TPP2: variants seen among roughly 807,000 people sequenced by gnomAD.
TPP2 encodes tripeptidyl-peptidase 2.
In TPP2, 34 loss-of-function variants were observed where a neutral mutation model predicts 155.9. The ratio of observed to expected loss-of-function variants is 0.22; its 90% CI spans 0.17 to 0.29. TPP2 has a LOEUF of 0.29. TPP2 is among the 10% of genes least tolerant of loss of function. The probability of loss-of-function intolerance (pLI) is 1.00; values close to 1 mark genes in which losing one functional copy is unlikely to be tolerated. For synonymous variants in TPP2, 510 were observed against 529.4 expected, an observed-to-expected ratio of 0.96 and a Z score of 0.50; for missense variants, 1,028 against 1,522.3, an observed-to-expected ratio of 0.68 and a Z score of 5.40.
At chr13:102,635,773 T>C (rs930371539) in intron 12 of TPP2, 71 bp downstream of exon 12, 2 of 1,172,684 alleles carry the variant, frequency 1.7e-6, no homozygotes, top group African/African-American at 3.1e-5. Flanking sequence ...TATTGGGTAA[T>C]ATTTTGTTTT....
intron 11 of TPP2, among the ~76,000 whole-genome samples, chr13:102,635,100 T>A (rs1388877427): frequency 6.6e-6 from 1 of 152,100 alleles, no homozygotes; most frequent in African/African-American, 2.4e-5. Flanking sequence ...TACCCTAGAA[T>A]CATCTGAGAG....
At position 102,596,996 on chromosome 13, in the gene TPP2, C is replaced by A. The variant is rs749019061; in HGVS notation, c.-43C>A. ...TGTCCTCGCGCTGCTAGTCCGCGCG[C>A]AGCCTGGCAGTTTGCCGCTTCCTCG... On this transcript the variant is annotated 5_prime_UTR_variant, in exon 1 of 30. Coordinates refer to ENST00000376052, the MANE Select transcript of TPP2 (RefSeq NM_001330588.2). The A allele has an allele frequency of 1.3e-6, 2 of 1,598,756 alleles. No homozygotes were observed. Among genetic ancestry groups the A allele is most frequent in the Non-Finnish European group, 1.7e-6 (2 of 1,173,352 alleles).
chr13:102,658,125 T>C (rs1883976732), intron 25 of TPP2, among the ~76,000 whole-genome samples: 1 of 152,228 alleles, frequency 6.6e-6, no homozygotes, highest in Admixed American at 6.5e-5. Context: ...GACTTTGGGC[T>C]TGCTTTTTAC....
chr13:102,618,399 A>G (rs1880908756), intron 4 of TPP2, among the ~76,000 whole-genome samples: 1 of 152,248 alleles, frequency 6.6e-6, no homozygotes, highest in Non-Finnish European at 1.5e-5. Flanking sequence ...TAAGTTAGAT[A>G]ACAAATATGT....
chr13:102,632,546 CATTTTT>C (rs1295177338), intron 10 of TPP2, among the ~76,000 whole-genome samples: 1 of 152,148 alleles, frequency 6.6e-6, no homozygotes, highest in Non-Finnish European at 1.5e-5. Flanking sequence ...AGCTGAGACT[CATTTTT>C]AGAATACTGA....
chr13:102,645,863 G>A (rs770419462), intron 19 of TPP2, among the ~76,000 whole-genome samples: 35 of 152,234 alleles, frequency 2.3e-4, no homozygotes, highest in Non-Finnish European at 4.4e-4. Flanking sequence ...GGAGGGCTGA[G>A]TGTGGCCCCT....
chr13:102,623,790 A>G (rs1048313475), intron 6 of TPP2, among the ~76,000 whole-genome samples: 1 of 152,202 alleles, frequency 6.6e-6, no homozygotes, highest in African/African-American at 2.4e-5. Flanking sequence ...ATCCTTTGGT[A>G]TCTGGGGGGA....
Position 102,616,450 on chromosome 13 carries a change from G to T in TPP2, c.445G>T (p.Ala149Ser). Residue 149 changes from alanine to serine, a missense_variant, in exon 4 of 30, where the codon GCC becomes TCC. Around this residue, in one of 7 missense-constraint regions of TPP2, gnomAD observed 300 missense variants for 398.3 expected, o/e 0.75. Transcript: ENST00000376052. ...DPVHRVALAE[A>S]CRKQEEFDVA... ...TGTTCACAGAGTGGCCCTTGCAGAA[G>T]CCTGTAGAAAACAGGAAGAATTTGA... 6.2e-7 allele frequency: 1 copy of T among 1,612,846 alleles called. No homozygotes were observed.
rs749784450 is a variant in TPP2, at chr13:102,621,651, T to C, written c.621-1226T>C. ...AGAGCCGTTGGAAGACATGGAAGGT[T>C]TTCAGCAGGAGTCAAATGTAGGGGC... On this transcript the variant is annotated intron_variant, in intron 5 of 29. Coordinates refer to ENST00000376052, the MANE Select transcript of TPP2 (RefSeq NM_001330588.2). Among the ~76,000 whole-genome samples the C allele has an allele frequency of 6.2e-4, 95 of 152,034 alleles. 1 individual carries two copies. Among genetic ancestry groups the C allele is most frequent in the Admixed American group, 3.3e-4 (5 of 15,264 alleles).
chr13:102,657,966 G>A (rs1015988213), intron 25 of TPP2, among the ~76,000 whole-genome samples: 2 of 152,090 alleles, frequency 1.3e-5, no homozygotes, highest in African/African-American at 4.8e-5. Context: ...GTTATCATTC[G>A]TTATTAGTAT....
chr13:102,678,085 A>G (rs1420427563), intron 29 of TPP2, 142 bp from the exon 30 acceptor site: 2 of 779,080 alleles, frequency 2.6e-6, no homozygotes, highest in Non-Finnish European at 1.9e-6. Context: ...AGGAGGATCA[A>G]TGGGTGGGTG....
chr13:102,600,104 G>A lies in TPP2; in HGVS notation c.165+2901G>A, dbSNP rs185666448. 1.3e-3 allele frequency among the ~76,000 whole-genome samples: 198 copies of A among 151,288 alleles called. 2 individuals carry two copies. The highest frequency in any genetic ancestry group is 2.0e-3 in the Non-Finnish European group (139 of 67,912). ...TTGAATGGTATATATGAGGCCATTT[G>A]CCATCCAACTCTGGCCTCCTTATGT... On this transcript the variant is annotated intron_variant, in intron 1 of 29. Coordinates refer to ENST00000376052, the MANE Select transcript of TPP2 (RefSeq NM_001330588.2).
chr13:102,640,872 G>A (rs931243864), intron 16 of TPP2, among the ~76,000 whole-genome samples: 4 of 151,872 alleles, frequency 2.6e-5, no homozygotes, highest in Admixed American at 6.6e-5. Context: ...GGATGGTCTC[G>A]ATCTCTTGAC....
At chr13:102,618,022 C>T (rs1360917405) in intron 4 of TPP2, among the ~76,000 whole-genome samples, 1 of 152,172 alleles carries the variant, frequency 6.6e-6, no homozygotes, top group Non-Finnish European at 1.5e-5. Flanking sequence ...CAGCTTATTT[C>T]TGTTTAAACC....
intron 2 of TPP2, chr13:102,608,153 C>CTTAATT (rs1879993774): frequency 1.3e-5 from 2 of 152,104 alleles, no homozygotes; most frequent in African/African-American, 2.4e-5. Context: ...TTTAAAAAGA[C>CTTAATT]AAATATTTTT....
rs545315830 is a variant in TPP2 at position 102,611,808 on chromosome 13, T to C, written c.295-2293T>C. ...GAATTCACCTGGAAGTGATTTTATA[T>C]GCTTAGTTTGAAGAGTTCTGTTTCC... On this transcript the variant is annotated intron_variant, in intron 2 of 29. Coordinates refer to ENST00000376052, the MANE Select transcript of TPP2 (RefSeq NM_001330588.2). 5.3e-5 allele frequency among the ~76,000 whole-genome samples: 8 copies of C among 152,380 alleles called. No homozygotes were observed. In the South Asian group the frequency reaches 1.4e-3, roughly 28 times the overall value.
chr13:102,599,796 A>G (rs1374951226), intron 1 of TPP2, among the ~76,000 whole-genome samples: 1 of 152,196 alleles, frequency 6.6e-6, no homozygotes, highest in African/African-American at 2.4e-5. Flanking sequence ...AGAGATTGAC[A>G]AGGATTATTG....
intron 25 of TPP2, among the ~76,000 whole-genome samples, chr13:102,660,072 G>A (rs1481605116): frequency 6.6e-6 from 1 of 151,852 alleles, no homozygotes; most frequent in Non-Finnish European, 1.5e-5. Flanking sequence ...AAGGAGAGGG[G>A]AATAGAGCTA....
In TPP2 at chr13:102,625,164, C is replaced by CTT. The variant is rs71125084; in HGVS notation, c.785-1831_785-1830dup. On this transcript the variant is annotated intron_variant, in intron 6 of 29. Coordinates refer to ENST00000376052, the MANE Select transcript of TPP2 (RefSeq NM_001330588.2). ...TGAGCCACCACGCCCGGCCACTTAA[C>CTT]TTTTTTTTTTTTTTTTTTGAGACAG... 1.7e-3 allele frequency among the ~76,000 whole-genome samples: 128 copies of CTT among 73,474 alleles called. 9 individuals carry two copies. Among genetic ancestry groups the CTT allele is most frequent in the African/African-American group, 3.6e-3 (62 of 17,112 alleles). 48.2% of individuals were successfully genotyped at this position (73,474 alleles called of 152,430 possible).
Sources: gnomAD v4.1 joint callset for allele counts (sites outside exome capture counted in the v4.1 genomes callset) on GRCh38, gnomAD v4.1.1 for gene constraint, gnomAD v4.1.1 regional missense constraint, MANE v1.5 for transcripts, NCBI Gene and HGNC (gene_info 2026-07-23, HGNC 2026-07-21) for gene names.